Variants in VPS13D observed in about 807,000 individuals in gnomAD.
VPS13D encodes the protein vacuolar protein sorting 13 homolog D, also known as intermembrane lipid transfer protein VPS13D.
A neutral mutation model predicts 461.9 loss-of-function variants in VPS13D; 187 were observed. The ratio of observed to expected loss-of-function variants is 0.40; its 90% confidence interval spans 0.36 to 0.46. The LOEUF (loss-of-function observed/expected upper bound fraction) is 0.46. Ranked by LOEUF, VPS13D falls within the 20% of genes least tolerant of loss-of-function variation. The pLI, the probability that VPS13D is intolerant of heterozygous loss-of-function variation, is 0.60. For missense variants in VPS13D, 4,711 were observed against 5,364.9 expected (o/e 0.88, Z 3.81); for synonymous variants, 1,951 against 1,986.3 (o/e 0.98, Z 0.47).
chr1:12,318,313 C>T lies in VPS13D; in HGVS notation c.7390C>T (p.Leu2464=). 2 of 1,611,826 alleles carry T rather than the reference C, an allele frequency of 1.2e-6. No individual in the cohort carries two copies. The highest frequency in any genetic ancestry group is 1.7e-6 in the Non-Finnish European group (2 of 1,178,034). Residue 2464 remains leucine, a synonymous_variant, in exon 31 of 70, where the codon CTG becomes TTG. Transcript: ENST00000620676. ...CCTTCCTGTGTCCAATGAAAGGCAC[C>T]TGGAGGTCAAGGTCAATGTAACAGG... is the stretch of plus-strand genomic sequence containing the variant. ...SSLPVSNERH[L]EVKVNVTGTE...
intron 67 of VPS13D, among the ~76,000 whole-genome samples, chr1:12,465,903 G>A (rs548609523): frequency 5.9e-5 from 9 of 152,216 alleles, no homozygotes; most frequent in South Asian, 4.2e-4. Context: ...TTGGGAGGCC[G>A]AGGTGGGCGG....
chr1:12,271,476 C>G (rs920883157), intron 17 of VPS13D, among the ~76,000 whole-genome samples: 8 of 152,062 alleles, frequency 5.3e-5, no homozygotes, highest in Non-Finnish European at 1.2e-4. Context: ...CGAGACCAGC[C>G]TGGCCAACAT....
At chr1:12,323,554 T>A in intron 34 of VPS13D, 152 bp from the exon 35 acceptor site, 2 of 668,968 alleles carry the variant, frequency 3.0e-6, no homozygotes, top group Admixed American at 2.8e-5. Context: ...GTACACTTGA[T>A]AGAATTCTCC....
chr1:12,322,708 T>A lies in VPS13D; in HGVS notation c.7877T>A (p.Ile2626Asn). 6.2e-7 allele frequency: 1 copy of A among 1,614,150 alleles called. No homozygotes were observed. Among genetic ancestry groups the A allele is most frequent in the Middle Eastern group, 1.7e-4 (1 of 6,060 alleles). The stretch of plus-strand genomic sequence containing the variant: ...GGTGCATCTCGCGTTGGAGAGGAAA[T>A]CAGAGAAGGGACAAGACACACCTTA... Reference protein sequence around the residue: ...LPGASRVGEEIREGTRHTLDP... With the variant: ...LPGASRVGEENREGTRHTLDP... The change falls in exon 34 of 70, where the codon ATC (isoleucine) becomes AAC (asparagine). Residue 2626 changes from isoleucine to asparagine, a missense_variant. By Grantham distance (149) the Ile-to-Asn change is moderately radical (BLOSUM62 -3). Transcript: ENST00000620676.
intron 63 of VPS13D, among the ~76,000 whole-genome samples, chr1:12,411,867 T>TCC (rs942694184): frequency 2.6e-5 from 4 of 152,184 alleles, no homozygotes; most frequent in African/African-American, 7.2e-5. Flanking sequence ...AGGAAGCTAC[T>TCC]CCCAGCTTCT....
chr1:12,451,664 C>T (rs996344671), intron 65 of VPS13D, among the ~76,000 whole-genome samples: 1 of 152,204 alleles, frequency 6.6e-6, no homozygotes, highest in African/African-American at 2.4e-5. Context: ...AGTTGCTAGT[C>T]GCTTTCCCAG....
At chr1:12,377,240 A>G (rs991457869) in intron 55 of VPS13D, among the ~76,000 whole-genome samples, 1 of 151,288 alleles carries the variant, frequency 6.6e-6, no homozygotes, top group African/African-American at 2.4e-5. Context: ...TTGTATTTTT[A>G]GTAGAGACGG....
intron 65 of VPS13D, among the ~76,000 whole-genome samples, chr1:12,439,660 C>G (rs1645105417): frequency 1.3e-5 from 2 of 152,132 alleles, no homozygotes; most frequent in African/African-American, 4.8e-5. Context: ...AAAGTTTTGT[C>G]TGTTTTGTTC....
chr1:12,494,635 T>A (rs1645931995), intron 67 of VPS13D, among the ~76,000 whole-genome samples: 1 of 152,162 alleles, frequency 6.6e-6, no homozygotes, highest in Admixed American at 6.5e-5. Flanking sequence ...TGGTAGCATG[T>A]TTTCCCTCAG....
Position 12,249,306 on chromosome 1 carries a change from G to C in VPS13D, c.531G>C (p.Lys177Asn), listed in dbSNP as rs72864967. ...CTTTTGCTTTTGGCATCTGCATTAA[G>C]AATGTGTCCATGCAAAATGCTGTGA... ...SHPFAFGICIKNVSMQNAVNE... is the reference protein window; with the variant it reads ...SHPFAFGICINNVSMQNAVNE... The change falls in exon 6 of 70, where the codon AAG (lysine) becomes AAC (asparagine). Residue 177 changes from lysine to asparagine, a missense_variant. Physicochemically the swap from Lys to Asn is moderately conservative, Grantham distance 94. This residue lies in a region of VPS13D where 4,411 missense variants were observed against 4,937.8 expected (regional missense o/e 0.89). Coordinates refer to ENST00000620676, the MANE Select transcript of VPS13D (RefSeq NM_015378.4). 1,205 of 1,613,944 alleles carry C rather than the reference G, an allele frequency of 7.5e-4. 13 individuals carry two copies. The African/African-American group carries it at 0.014, about 19-fold the overall frequency.
chr1:12,286,738 A>G (rs1641985513), intron 21 of VPS13D, among the ~76,000 whole-genome samples: 1 of 152,224 alleles, frequency 6.6e-6, no homozygotes, highest in Non-Finnish European at 1.5e-5. Flanking sequence ...TAGTGACACT[A>G]AGATTCGTGG....
intron 27 of VPS13D, among the ~76,000 whole-genome samples, chr1:12,310,909 TTCC>T (rs1557701440): frequency 0.01 from 1,175 of 113,430 alleles, 23 homozygotes; most frequent in African/African-American, 0.051. Context: ...CCTTCCCTCC[TTCC>T]CTCCCTCTCT....
chr1:12,253,814 G>A lies in VPS13D; in HGVS notation c.657G>A (p.Gln219=). Residue 219 remains glutamine (Q), a synonymous_variant, in exon 7 of 70, where the codon CAG becomes CAA. Coordinates refer to ENST00000620676, the MANE Select transcript of VPS13D (RefSeq NM_015378.4). ...VDCTLLGDLP[Q]MELQEAMARS... is the part of the protein sequence containing the mutation. ...GCACTTTACTGGGGGATTTGCCTCA[G>A]ATGGAGTTACAGGTACGATTTCGGC... 1 of 1,614,012 alleles carries A rather than the reference G, an allele frequency of 6.2e-7. No homozygotes were observed. The highest frequency in any genetic ancestry group is 8.5e-7 in the Non-Finnish European group (1 of 1,179,920).
At chr1:12,486,643 C>T (rs899592374) in intron 67 of VPS13D, among the ~76,000 whole-genome samples, 25 of 152,216 alleles carry the variant, frequency 1.6e-4, no homozygotes, top group Admixed American at 1.3e-3. Flanking sequence ...AGTGTCCCCC[C>T]CACGTTGGAA....
chr1:12,447,132 T>C (rs987851944), intron 65 of VPS13D, among the ~76,000 whole-genome samples: 3 of 152,222 alleles, frequency 2.0e-5, no homozygotes, highest in African/African-American at 7.2e-5. Context: ...TTTTTTAATA[T>C]ACTTTTGTCA....
At chr1:12,486,061 C>T (rs1020018928) in intron 67 of VPS13D, among the ~76,000 whole-genome samples, 16 of 152,022 alleles carry the variant, frequency 1.1e-4, no homozygotes, top group African/African-American at 3.9e-4. Flanking sequence ...TGGCAAGAGG[C>T]GGAAAAAAGA....
intron 57 of VPS13D, among the ~76,000 whole-genome samples, chr1:12,380,590 A>G (rs544795071): frequency 5.3e-5 from 8 of 152,332 alleles, no homozygotes; most frequent in African/African-American, 1.9e-4. Context: ...GGGAATGAGA[A>G]CAGGGGTCTG....
chr1:12,278,785 C>T (rs924403756), intron 19 of VPS13D, among the ~76,000 whole-genome samples: 3 of 152,182 alleles, frequency 2.0e-5, no homozygotes, highest in Non-Finnish European at 2.9e-5. Context: ...ATATTATCTT[C>T]TTTAATATTC....
Position 12,363,243 on chromosome 1 carries a change from A to G in VPS13D, c.10444A>G (p.Met3482Val), listed in dbSNP as rs1283422854. The G allele has an allele frequency of 1.2e-6, 2 of 1,614,110 alleles. No individual in the cohort carries two copies. Among genetic ancestry groups the G allele is most frequent in the South Asian group, 1.1e-5 (1 of 91,070 alleles). ...CAAGAATAATTCCTTCCATATCAAC[A>G]TGAGGTAAGTTTGAGACTCTAAATA... ...VNKNNSFHIN[M>V]RDTLGKCFFL... The change falls in exon 52 of 70, where the codon ATG becomes GTG. Residue 3482 changes from methionine to valine, a missense_variant. Met to Val is a conservative substitution (Grantham distance 21). This residue lies in a region of VPS13D where 4,411 missense variants were observed against 4,937.8 expected (regional missense o/e 0.89). Coordinates refer to ENST00000620676, the MANE Select transcript of VPS13D (RefSeq NM_015378.4).
Sources: allele counts gnomAD v4.1 joint callset (sites outside exome capture counted in the v4.1 genomes callset), GRCh38; gene constraint gnomAD v4.1.1; regional missense constraint gnomAD v4.1.1; transcripts MANE v1.5; gene names NCBI Gene and HGNC (gene_info 2026-07-23, HGNC 2026-07-21).